CNOT8: variants seen among roughly 807,000 people sequenced by gnomAD.
The protein encoded by CNOT8 is CCR4-NOT transcription complex subunit 8.
Under a neutral mutation model 34.6 loss-of-function variants are expected in CNOT8, and 18 were observed. The observed-to-expected ratio is 0.52, with a 90% CI of 0.36 to 0.77. The LOEUF is 0.77. Ranked by LOEUF, CNOT8 falls within the 30% of genes least tolerant of loss-of-function variation. CNOT8 has a pLI of 0.00. For missense variants in CNOT8, 189 were observed against 347.9 expected (o/e 0.54, Z 3.63); for synonymous variants, 101 against 118.8 (o/e 0.85, Z 0.98).
chr5:154,873,218 T>G lies in CNOT8; in HGVS notation c.729+567T>G, dbSNP rs557915418. ...ACCACGCCCAGCCACATAGACTGTT[T>G]TTTTAGCAAGTTGATGTCCACTTTG... On this transcript the variant is annotated intron_variant, in intron 6 of 6. Transcript: ENST00000285896. Among the ~76,000 whole-genome samples, 8 of 152,368 alleles carry G rather than the reference T, an allele frequency of 5.3e-5. No homozygotes were observed. In the East Asian group the frequency reaches 1.5e-3, roughly 29 times the overall value.
At chr5:154,865,900 G>T (rs2688208) in intron 3 of CNOT8, among the ~76,000 whole-genome samples, 1 of 151,952 alleles carries the variant, frequency 6.6e-6, no homozygotes, top group Non-Finnish European at 1.5e-5. Flanking sequence ...TGTATATACC[G>T]CATTTTGTTT....
intron 2 of CNOT8, 82 bp downstream of exon 2, chr5:154,863,477 G>A: frequency 1.0e-6 from 1 of 979,022 alleles, no homozygotes; most frequent in Non-Finnish European, 1.6e-6. Context: ...GGAGTGCGGT[G>A]GCTATTCACA....
chr5:154,870,053 C>T (rs961105219), intron 3 of CNOT8, among the ~76,000 whole-genome samples: 33 of 152,088 alleles, frequency 2.2e-4, no homozygotes, highest in African/African-American at 6.8e-4. Context: ...CCACCATGCC[C>T]GGCCTACTTA....
In CNOT8 at chr5:154,865,146, C is replaced by A. The variant is rs773063803; in HGVS notation, c.118-46C>A. 5 of 1,392,148 alleles carry A rather than the reference C, an allele frequency of 3.6e-6. No homozygotes were observed. In the East Asian group the frequency reaches 9.8e-5, roughly 27 times the overall value. The allele number at this position is 1,392,148 out of a possible 1,614,324, so 86.2% of individuals were successfully genotyped here. A position where few individuals can be genotyped will look rare whatever the true frequency, so the allele number is the denominator to read the frequency against. On this transcript the variant is annotated intron_variant, in intron 2 of 6. Transcript: ENST00000285896. Reference sequence around the variant, plus strand: ...ATTTATGAATTACCAATTCAGCATCCACTGTTTTGTGAAACCTTGTGATGA... The same window carrying A: ...ATTTATGAATTACCAATTCAGCATCAACTGTTTTGTGAAACCTTGTGATGA...
Position 154,872,666 on chromosome 5 carries a change from A to G in CNOT8, c.729+15A>G. 3 of 1,544,356 alleles carry G rather than the reference A, an allele frequency of 1.9e-6. No individual in the cohort carries two copies. Among genetic ancestry groups the G allele is most frequent in the Non-Finnish European group, 2.7e-6 (3 of 1,118,782 alleles). ...GGATGAAAGAGGTAAGCTTCCTTGA[A>G]TGTGATCACAGGCCTCTCGGCAGTA... is the stretch of plus-strand genomic sequence containing the variant. On this transcript the variant is annotated intron_variant, in intron 6 of 6. Coordinates refer to ENST00000285896, the MANE Select transcript of CNOT8 (RefSeq NM_001301073.2).
Position 154,858,712 on chromosome 5 carries a change from C to CCAGCCCGCCAGCTCGT in CNOT8, c.-116_-101dup, listed in dbSNP as rs1227757237. ...TCGCCGCCGTCGGGGAGTCAGCCCG[C>CCAGCCCGCCAGCTCGT]CAGCCCGCCAGCTCGTCAGCCCGCC... On this transcript the variant is annotated 5_prime_UTR_variant, in exon 1 of 7. Transcript: ENST00000285896. 13 of 152,298 alleles carry CCAGCCCGCCAGCTCGT rather than the reference C, an allele frequency of 8.5e-5. No homozygotes were observed. In the Middle Eastern group the frequency reaches 0.01, roughly 120 times the overall value. 9.4% of individuals were successfully genotyped at this position (152,298 alleles called of 1,614,324 possible). A position where few individuals can be genotyped will look rare whatever the true frequency, so the allele number is the denominator to read the frequency against.
intron 3 of CNOT8, among the ~76,000 whole-genome samples, chr5:154,866,737 AC>A (rs1239949303): frequency 2.0e-5 from 3 of 151,948 alleles, no homozygotes; most frequent in Non-Finnish European, 2.9e-5. Flanking sequence ...ATGTGGTGAA[AC>A]CCCATCTCTA....
At chr5:154,869,213 A>G (rs1263801706) in intron 3 of CNOT8, among the ~76,000 whole-genome samples, 1 of 151,704 alleles carries the variant, frequency 6.6e-6, no homozygotes, top group Non-Finnish European at 1.5e-5. Flanking sequence ...TCTGCCTCCC[A>G]GGTTCAAGCG....
intron 2 of CNOT8, among the ~76,000 whole-genome samples, chr5:154,864,277 G>T (rs1171805983): frequency 1.3e-5 from 2 of 152,028 alleles, no homozygotes; most frequent in Non-Finnish European, 2.9e-5. Context: ...TGGCTAACAC[G>T]GTGAAACCCT....
chr5:154,859,705 C>T (rs893225670), intron 1 of CNOT8: 1 of 152,226 alleles, frequency 6.6e-6, no homozygotes, highest in African/African-American at 2.4e-5. Context: ...GCCTTGATTG[C>T]TTGCAGAGAA....
rs1489927249 is a variant in CNOT8, at chr5:154,875,689, G to A, written c.*250G>A. 5.2e-6 allele frequency: 2 copies of A among 384,112 alleles called. No individual in the cohort carries two copies. The highest frequency in any genetic ancestry group is 2.1e-5 in the African/African-American group (1 of 48,228). 23.8% of individuals were successfully genotyped at this position (384,112 alleles called of 1,614,324 possible). On this transcript the variant is annotated 3_prime_UTR_variant, in exon 7 of 7. Coordinates refer to ENST00000285896, the MANE Select transcript of CNOT8 (RefSeq NM_001301073.2). ...ATACTCGAGCCTCTCCTCTCTGGTT[G>A]CCTCCTGCCACCAGCATCCATGGCT...
intron 3 of CNOT8, among the ~76,000 whole-genome samples, chr5:154,870,094 C>CTTG (rs1762334024): frequency 6.6e-6 from 1 of 152,138 alleles, no homozygotes; most frequent in African/African-American, 2.4e-5. Flanking sequence ...CTTGCTCTGT[C>CTTG]ACCTAGACTA....
intron 4 of CNOT8, 90 bp downstream of exon 4, chr5:154,870,912 A>T (rs1044690452): frequency 3.4e-6 from 4 of 1,161,950 alleles, no homozygotes; most frequent in African/African-American, 3.1e-5. Flanking sequence ...AGTCCTAGTG[A>T]CTGTTCTGTT....
At chr5:154,871,989 G>T in intron 5 of CNOT8, 115 bp downstream of exon 5, 1 of 805,150 alleles carries the variant, frequency 1.2e-6, no homozygotes, top group East Asian at 2.7e-5. Flanking sequence ...CTAGTGTGGT[G>T]GTAGACAGGG....
intron 3 of CNOT8, chr5:154,867,725 T>C (rs1281461670): frequency 3.7e-6 from 1 of 270,250 alleles, no homozygotes; most frequent in Non-Finnish European, 7.4e-6. Context: ...ATAATACATG[T>C]GTTGCTTGAG....
chr5:154,870,263 T>G (rs816725), intron 3 of CNOT8, among the ~76,000 whole-genome samples: 2,057 of 152,074 alleles, frequency 0.014, 24 homozygotes, highest in Non-Finnish European at 0.015. Flanking sequence ...TGTTTTGTTT[T>G]TTTTGAGACG....
chr5:154,871,672 G>T, intron 4 of CNOT8, 58 bp from the exon 5 acceptor site: 2 of 1,508,330 alleles, frequency 1.3e-6, no homozygotes, highest in Non-Finnish European at 1.8e-6. Context: ...TAAAATGGTT[G>T]AACACTGGGG....
intron 2 of CNOT8, among the ~76,000 whole-genome samples, chr5:154,864,573 A>C (rs1437127184): frequency 6.6e-6 from 1 of 151,846 alleles, no homozygotes. Context: ...TGGCTGTTTC[A>C]CTTCCCTGTA....
chr5:154,860,830 T>C (rs1761262015), intron 1 of CNOT8, among the ~76,000 whole-genome samples: 1 of 152,178 alleles, frequency 6.6e-6, no homozygotes, highest in South Asian at 2.1e-4. Context: ...GCAGTCCCCA[T>C]ATATATGCCA....
Sources: allele counts gnomAD v4.1 joint callset (sites outside exome capture counted in the v4.1 genomes callset), GRCh38; gene constraint gnomAD v4.1.1; transcripts MANE v1.5; gene names NCBI Gene and HGNC (gene_info 2026-07-23, HGNC 2026-07-21).